Variants in DPH6 observed in about 807,000 individuals in gnomAD.
DPH6 encodes diphthine--ammonia ligase.
In DPH6, 33 loss-of-function variants were observed where a neutral mutation model predicts 38.2. The observed-to-expected ratio is 0.86, with a 90% CI of 0.65 to 1.15. The LOEUF (loss-of-function observed/expected upper bound fraction) is 1.15. Ranked by LOEUF, DPH6 falls within the 50% of genes most tolerant of loss-of-function variation. The probability of loss-of-function intolerance (pLI) is 0.00; values close to 1 mark genes in which losing one functional copy is unlikely to be tolerated. For synonymous variants in DPH6, 108 were observed against 103.0 expected (o/e 1.05, Z -0.30); for missense variants, 325 against 320.0 (o/e 1.02, Z -0.12).
rs549680333 is a variant in DPH6, at chr15:35,486,523, TCA to T, written c.313-31705_313-31704del. ...AGGGAAGTGCCACACTTTTAAATCA[TCA>T]GATCTCAAGAGAACTCATGTACTAT... is the stretch of plus-strand genomic sequence containing the variant. On this transcript the variant is annotated intron_variant, in intron 3 of 8. Transcript: ENST00000256538. 6.5e-3 allele frequency among the ~76,000 whole-genome samples: 985 copies of T among 151,852 alleles called. 16 individuals carry two copies. Among genetic ancestry groups the T allele is most frequent in the African/African-American group, 0.023 (948 of 41,382 alleles).
the DPH6 span, among the ~76,000 whole-genome samples, chr15:35,191,995 G>A: frequency 6.6e-6 from 1 of 152,114 alleles, no homozygotes; most frequent in African/African-American, 2.4e-5. Flanking sequence ...GGCAATACTT[G>A]TTGTCTCAGT....
chr15:35,366,914 A>G (rs2052666321), downstream of DPH6, among the ~76,000 whole-genome samples: 1 of 152,004 alleles, frequency 6.6e-6, no homozygotes, highest in Non-Finnish European at 1.5e-5. Context: ...TAGACCTAGT[A>G]GTTTTTTAAA....
At chr15:35,423,277 G>A (rs2053528900) in intron 5 of DPH6, among the ~76,000 whole-genome samples, 1 of 151,666 alleles carries the variant, frequency 6.6e-6, no homozygotes, top group Non-Finnish European at 1.5e-5. Flanking sequence ...GTTTTGATTG[G>A]CATTTCCCTG....
chr15:35,179,037 T>C, the DPH6 span, among the ~76,000 whole-genome samples: 1 of 151,488 alleles, frequency 6.6e-6, no homozygotes, highest in East Asian at 1.9e-4. Flanking sequence ...AGAAATCCCA[T>C]CTCTACTAAA....
rs185515576 is a variant in DPH6, at chr15:35,307,763, A to G, written n.200+65758T>C. Among the ~76,000 whole-genome samples the G allele has an allele frequency of 9.6e-4, 146 of 152,270 alleles. 1 individual carries two copies. The highest frequency in any genetic ancestry group is 9.1e-3 in the Admixed American group (139 of 15,292). ...ATATATGCATATCTTATGTGTGTGTATATATATGCATATATACAAACACAC... is the reference window on the plus strand; with the variant it reads ...ATATATGCATATCTTATGTGTGTGTGTATATATGCATATATACAAACACAC... On this transcript the variant is annotated intron_variant and non_coding_transcript_variant, in intron 3 of 3. Coordinates refer to the DPH6 transcript ENST00000560386.
chr15:35,467,952 A>G (rs2054148686), intron 3 of DPH6, among the ~76,000 whole-genome samples: 1 of 152,232 alleles, frequency 6.6e-6, no homozygotes, highest in South Asian at 2.1e-4. Context: ...GTTCCATTAT[A>G]ATCTTACGGA....
chr15:35,546,002 C>G (rs2055346707), intron 1 of DPH6, 117 bp downstream of exon 1: 1 of 974,496 alleles, frequency 1.0e-6, no homozygotes, highest in Non-Finnish European at 1.4e-6. Flanking sequence ...TCGGAGGAGC[C>G]GCGGAACCCC....
At chr15:35,213,082 G>C (rs1198175307), downstream of DPH6, among the ~76,000 whole-genome samples, 1 of 152,190 alleles carries the variant, frequency 6.6e-6, no homozygotes, top group Non-Finnish European at 1.5e-5. Context: ...AAGAATTAAA[G>C]TTAGCCACAG....
At chr15:35,541,808 T>C (rs1410212375) in intron 2 of DPH6, among the ~76,000 whole-genome samples, 1 of 152,250 alleles carries the variant, frequency 6.6e-6, no homozygotes, top group South Asian at 2.1e-4. Flanking sequence ...TTGGGGATAT[T>C]TCATTGGAGA....
At position 35,445,286 on chromosome 15, in the gene DPH6, G is replaced by A. The variant is rs181036285; in HGVS notation, c.505+5399C>T. On this transcript the variant is annotated intron_variant, in intron 5 of 8. Coordinates refer to ENST00000256538, the MANE Select transcript of DPH6 (RefSeq NM_080650.4). ...TGCTCTCCATTATACCTAGGTAGAT[G>A]TCTTAGCAACATATTGTCTTGATTT... Among the ~76,000 whole-genome samples, 3 of 151,514 alleles carry A rather than the reference G, an allele frequency of 2.0e-5. No homozygotes were observed. In the East Asian group the frequency reaches 5.9e-4, roughly 30 times the overall value.
downstream of DPH6, among the ~76,000 whole-genome samples, chr15:35,327,243 CTA>C (rs371405642): frequency 9.2e-5 from 14 of 151,582 alleles, no homozygotes; most frequent in African/African-American, 3.4e-4. Flanking sequence ...CAGTTGTAGT[CTA>C]GTTTGTAAAT....
chr15:35,302,315 C>A (rs997312771), intron 3 of DPH6, among the ~76,000 whole-genome samples: 2 of 152,124 alleles, frequency 1.3e-5, no homozygotes, highest in Non-Finnish European at 2.9e-5. Context: ...CAAAAATGAT[C>A]ATTTGTTTCT....
chr15:35,412,426 T>A (rs961776888), intron 5 of DPH6, among the ~76,000 whole-genome samples: 15 of 151,698 alleles, frequency 9.9e-5, no homozygotes, highest in African/African-American at 3.1e-4. Context: ...GTTGGGAGGT[T>A]CTTACAAAAC....
intron 7 of DPH6, among the ~76,000 whole-genome samples, chr15:35,380,047 G>A (rs1241779438): frequency 6.6e-6 from 1 of 152,176 alleles, no homozygotes; most frequent in Non-Finnish European, 1.5e-5. Context: ...AATTAGATTG[G>A]TGATTAACTC....
chr15:35,511,524 A>T (rs1165414952), intron 3 of DPH6, among the ~76,000 whole-genome samples: 1 of 152,180 alleles, frequency 6.6e-6, no homozygotes, highest in Non-Finnish European at 1.5e-5. Flanking sequence ...ACATAGTGTG[A>T]ATATGTACAT....
chr15:35,222,515 C>A (rs766864544), intron 3 of DPH6, among the ~76,000 whole-genome samples: 1 of 152,036 alleles, frequency 6.6e-6, no homozygotes, highest in Non-Finnish European at 1.5e-5. Flanking sequence ...GTGGTTTGGT[C>A]TGGAAGGGTA....
downstream of DPH6, among the ~76,000 whole-genome samples, chr15:35,368,343 G>A (rs2052678934): frequency 6.6e-6 from 1 of 151,802 alleles, no homozygotes; most frequent in Non-Finnish European, 1.5e-5. Flanking sequence ...GGACAGGCAG[G>A]GGAATCCTAG....
At chr15:35,510,957 A>C (rs1056362413) in intron 3 of DPH6, among the ~76,000 whole-genome samples, 3 of 152,276 alleles carry the variant, frequency 2.0e-5, no homozygotes, top group Non-Finnish European at 2.9e-5. Context: ...GAAGAAACTG[A>C]CTTTGAATCC....
chr15:35,220,401 G>A (rs1435022428), exon 4 of DPH6: 1 of 151,318 alleles, frequency 6.6e-6, no homozygotes, highest in Non-Finnish European at 1.5e-5. Context: ...TACAGACTGA[G>A]TAATTTATTA....
Sources: gnomAD v4.1 joint callset for allele counts (sites outside exome capture counted in the v4.1 genomes callset) on GRCh38, gnomAD v4.1.1 for gene constraint, MANE v1.5 for transcripts, NCBI Gene and HGNC (gene_info 2026-07-23, HGNC 2026-07-21) for gene names.